Variants in ADAMTS9 observed in about 807,000 individuals in gnomAD.
ADAMTS9 encodes the protein ADAM metallopeptidase with thrombospondin type 1 motif 9.
In ADAMTS9, 107 loss-of-function variants were observed where a neutral mutation model predicts 257.1. That is an observed-to-expected ratio of 0.42 (90% confidence interval 0.36 to 0.49). The LOEUF (loss-of-function observed/expected upper bound fraction) is 0.49, where lower values mean the gene tolerates loss of function less well. Ranked by LOEUF, ADAMTS9 falls within the 20% of genes least tolerant of loss-of-function variation. The pLI is 0.03. For missense variants in ADAMTS9, 2,353 were observed against 2,469.1 expected (o/e 0.95, Z 1.00); for synonymous variants, 982 against 880.9 (o/e 1.11, Z -2.03).
At chr3:64,628,848 T>C (rs1700295106) in intron 16 of ADAMTS9, among the ~76,000 whole-genome samples, 1 of 152,180 alleles carries the variant, frequency 6.6e-6, no homozygotes, top group African/African-American at 2.4e-5. Flanking sequence ...TTTGTACCAA[T>C]CATATGTAGG....
chr3:64,686,982 C>A lies in ADAMTS9; in HGVS notation c.116-14G>T, dbSNP rs771431359. The A allele has an allele frequency of 6.2e-7, 1 of 1,609,830 alleles. No homozygotes were observed. The highest frequency in any genetic ancestry group is 1.1e-5 in the South Asian group (1 of 90,526). On this transcript the variant is annotated splice_polypyrimidine_tract_variant and intron_variant, in intron 1 of 39. Transcript: ENST00000498707. The surrounding 1 kb of genome is among the most constrained non-coding windows in gnomAD (Gnocchi z 4.6). The stretch of plus-strand genomic sequence containing the variant: ...CTAATAATTTCACTGCGGAGAGAAG[C>A]AGAGGTATATGAACCAATAATTCAT...
chr3:64,602,163 G>A lies in ADAMTS9; in HGVS notation c.3798C>T (p.Val1266=), dbSNP rs1576104546. 3.1e-6 allele frequency: 5 copies of A among 1,614,094 alleles called. No individual in the cohort carries two copies. In the East Asian group the frequency reaches 1.1e-4, roughly 36 times the overall value. The change falls in exon 26 of 40, where the codon GTC becomes GTT. Residue 1266 remains valine (V), a synonymous_variant. Transcript: ENST00000498707. ...GATCGATCACGTGGTCACTGTAGTT[G>A]ACACACATCACTTGCCGGGTTGCCC... The part of the protein sequence containing the change: ...QGRATRQVMC[V]NYSDHVIDRS...
At chr3:64,563,303 T>C (rs1044853929) in intron 29 of ADAMTS9, 1 of 152,158 alleles carries the variant, frequency 6.6e-6, no homozygotes, top group African/African-American at 2.4e-5. Context: ...ATTATCATCA[T>C]CAATAAACAA....
At chr3:64,568,141 T>A (rs533695852) in intron 29 of ADAMTS9, among the ~76,000 whole-genome samples, 52 of 152,210 alleles carry the variant, frequency 3.4e-4, no homozygotes, top group African/African-American at 1.1e-3. Context: ...GAATTCACCC[T>A]CACAGCCACC....
intron 20 of ADAMTS9, among the ~76,000 whole-genome samples, chr3:64,615,720 G>C (rs912239471): frequency 6.6e-6 from 1 of 152,138 alleles, no homozygotes; most frequent in Admixed American, 6.5e-5. Flanking sequence ...TGTAGAGTAT[G>C]CAAAAGAAAT....
intron 16 of ADAMTS9, among the ~76,000 whole-genome samples, chr3:64,630,239 T>C (rs1307053595): frequency 6.6e-6 from 1 of 152,084 alleles, no homozygotes; most frequent in Non-Finnish European, 1.5e-5. Context: ...AATTTCACAA[T>C]CACTTACAGC....
At chr3:64,601,738 C>T (rs376729325) in intron 26 of ADAMTS9, among the ~76,000 whole-genome samples, 9 of 152,050 alleles carry the variant, frequency 5.9e-5, no homozygotes, top group Non-Finnish European at 8.8e-5. Flanking sequence ...TCCACCCAAT[C>T]GAGACAGCTT....
intron 2 of ADAMTS9, among the ~76,000 whole-genome samples, chr3:64,682,624 G>C (rs1358642440): frequency 6.6e-6 from 1 of 152,186 alleles, no homozygotes; most frequent in Non-Finnish European, 1.5e-5. Context: ...CTGATGCCTT[G>C]CATCCTTCCA....
intron 28 of ADAMTS9, chr3:64,587,215 G>A (rs2084173557): frequency 6.6e-6 from 1 of 152,190 alleles, no homozygotes; most frequent in Non-Finnish European, 1.5e-5. Flanking sequence ...AACACCCACT[G>A]AAGTTTTCCA....
chr3:64,607,167 A>G, intron 22 of ADAMTS9, 88 bp from the exon 23 acceptor site: 1 of 1,551,914 alleles, frequency 6.4e-7, no homozygotes, highest in Non-Finnish European at 8.7e-7. Context: ...AGAGAGAAAT[A>G]CTTCCATCAC....
In ADAMTS9 at chr3:64,624,221, G is replaced by T. The variant is rs576061582; in HGVS notation, c.2390-1635C>A. 7.3e-5 allele frequency among the ~76,000 whole-genome samples: 11 copies of T among 150,674 alleles called. No homozygotes were observed. In the East Asian group the frequency reaches 1.6e-3, roughly 21 times the overall value. On this transcript the variant is annotated intron_variant, in intron 16 of 39. Coordinates refer to ENST00000498707, the MANE Select transcript of ADAMTS9 (RefSeq NM_182920.2). ...GCTTAAAGGGTAGATGATAAGTGTT[G>T]AAATAAACAAAGAGAGTGGGAAAGA... is the stretch of plus-strand genomic sequence containing the variant.
Position 64,520,449 on chromosome 3 carries a change from T to C in ADAMTS9, c.*5+1717A>G, listed in dbSNP as rs116368269. On this transcript the variant is annotated intron_variant, in intron 39 of 39. Coordinates refer to ENST00000498707, the MANE Select transcript of ADAMTS9 (RefSeq NM_182920.2). Reference sequence around the variant, plus strand: ...TGTTAGAAGAAGAACTATTCTAAAATTGATATGGAACCAAAGCAGAGCCTA... The same window carrying C: ...TGTTAGAAGAAGAACTATTCTAAAACTGATATGGAACCAAAGCAGAGCCTA... Among the ~76,000 whole-genome samples, 1,500 of 152,262 alleles carry C rather than the reference T, an allele frequency of 9.9e-3. 6 individuals are homozygous for C. The highest frequency in any genetic ancestry group is 0.016 in the Non-Finnish European group (1,119 of 68,016).
chr3:64,575,212 A>T (rs1398581265), intron 28 of ADAMTS9, among the ~76,000 whole-genome samples: 1 of 152,184 alleles, frequency 6.6e-6, no homozygotes, highest in Admixed American at 6.5e-5. Flanking sequence ...CTGGCAATTC[A>T]CCAAGGAAAA....
chr3:64,680,413 G>T (rs968196263), intron 3 of ADAMTS9, among the ~76,000 whole-genome samples: 1 of 152,144 alleles, frequency 6.6e-6, no homozygotes, highest in Admixed American at 6.5e-5. Context: ...ACCAAATTGA[G>T]GAATTATTTC....
At chr3:64,681,754 A>T (rs1208996082) in intron 2 of ADAMTS9, among the ~76,000 whole-genome samples, 3 of 152,034 alleles carry the variant, frequency 2.0e-5, no homozygotes, top group Non-Finnish European at 4.4e-5. Flanking sequence ...TATGTTGCCC[A>T]GGCTCAATAT....
intron 14 of ADAMTS9, 72 bp downstream of exon 14, chr3:64,633,400 C>T: frequency 6.3e-7 from 1 of 1,586,594 alleles, no homozygotes; most frequent in Non-Finnish European, 8.6e-7. Flanking sequence ...AGTTGCTATT[C>T]TATCTAGGAA....
intron 3 of ADAMTS9, among the ~76,000 whole-genome samples, chr3:64,676,584 TTC>T (rs1310636651): frequency 6.6e-6 from 1 of 152,160 alleles, no homozygotes; most frequent in African/African-American, 2.4e-5. Flanking sequence ...TGAATATATA[TTC>T]TGTGTTTGGT....
Position 64,681,273 on chromosome 3 carries a change from G to C in ADAMTS9, c.607C>G (p.Pro203Ala), listed in dbSNP as rs780885876. The C allele has an allele frequency of 1.2e-6, 2 of 1,614,028 alleles. No individual in the cohort carries two copies. Among genetic ancestry groups the C allele is most frequent in the Non-Finnish European group, 1.7e-6 (2 of 1,179,958 alleles). ...GCGCTGCGCCTATAAATGATGTGGG[G>C]TTTGTTTTGTTCCTCTTCATCTTCT... is the stretch of plus-strand genomic sequence containing the variant. ...EQEDEEEQNK[P>A]HIIYRRSAPQ... The change falls in exon 3 of 40, where the codon CCC (proline) becomes GCC (alanine). Residue 203 changes from proline to alanine, a missense_variant. Physicochemically the swap from Pro to Ala is conservative, Grantham distance 27 (BLOSUM62 -1). Around this residue, in one of 3 missense-constraint regions of ADAMTS9, gnomAD observed 591 missense variants for 569.6 expected, o/e 1.04. Coordinates refer to ENST00000498707, the MANE Select transcript of ADAMTS9 (RefSeq NM_182920.2).
rs1014533187 is a variant in ADAMTS9, at chr3:64,687,847, G to A, written c.-190C>T. The A allele has an allele frequency of 2.4e-5, 11 of 456,318 alleles. No homozygotes were observed. The highest frequency in any genetic ancestry group is 3.9e-5 in the Non-Finnish European group (10 of 254,882). The allele number at this position is 456,318 out of a possible 1,614,324, so 28.3% of individuals were successfully genotyped here. On this transcript the variant is annotated 5_prime_UTR_variant, in exon 1 of 40. Transcript: ENST00000498707. The surrounding 1 kb of genome is among the most constrained non-coding windows in gnomAD (Gnocchi z 4.4). ...CTGCGCTCGGCTGAGCAACGCCGCC[G>A]CCTGCCGAGAGCTGAGCCGCTCGGG...
Sources: allele counts gnomAD v4.1 joint callset (sites outside exome capture counted in the v4.1 genomes callset), GRCh38; gene constraint gnomAD v4.1.1; regional missense constraint gnomAD v4.1.1; non-coding constraint Gnocchi (gnomAD v3.1); transcripts MANE v1.5; gene names NCBI Gene and HGNC (gene_info 2026-07-23, HGNC 2026-07-21).